The following ARFGEF3 variants were observed in gnomAD, a reference collection of about 807,000 sequenced individuals.
ARFGEF3 encodes brefeldin A-inhibited guanine nucleotide-exchange protein 3.
Under a neutral mutation model 221.7 loss-of-function variants are expected in ARFGEF3, and 96 were observed. The ratio of observed to expected loss-of-function variants is 0.43; its 90% CI spans 0.37 to 0.51. The LOEUF (loss-of-function observed/expected upper bound fraction) is 0.51. Among genes scored for constraint, ARFGEF3 ranks in the 20% least tolerant of loss-of-function variants. ARFGEF3 has a pLI of 0.00. For missense variants in ARFGEF3, 2,410 were observed against 2,789.9 expected, an observed-to-expected ratio of 0.86 and a Z score of 3.07; for synonymous variants, 1,145 against 1,126.8, an observed-to-expected ratio of 1.02 and a Z score of -0.32.
intron 4 of ARFGEF3, among the ~76,000 whole-genome samples, chr6:138,211,267 G>A (rs1777722342): frequency 6.6e-6 from 1 of 152,218 alleles, no homozygotes; most frequent in Admixed American, 6.5e-5. Flanking sequence ...AATCTCAGCG[G>A]ATGGGAGTAG....
chr6:138,186,979 G>A (rs553816908), intron 2 of ARFGEF3, among the ~76,000 whole-genome samples: 65 of 127,456 alleles, frequency 5.1e-4, no homozygotes, highest in African/African-American at 1.9e-3. Flanking sequence ...GCAATGGTGC[G>A]ATCTTGGCTC....
At chr6:138,325,503 C>G (rs1472606087) in intron 31 of ARFGEF3, among the ~76,000 whole-genome samples, 1 of 152,180 alleles carries the variant, frequency 6.6e-6, no homozygotes, top group East Asian at 1.9e-4. Context: ...CGTGGCCAGT[C>G]TGAAGAAGTT....
chr6:138,185,943 G>A (rs74578599), intron 2 of ARFGEF3, among the ~76,000 whole-genome samples: 2 of 152,270 alleles, frequency 1.3e-5, no homozygotes, highest in Non-Finnish European at 2.9e-5. Context: ...CAATAGGTAC[G>A]AACATAATCT....
intron 4 of ARFGEF3, among the ~76,000 whole-genome samples, chr6:138,229,118 A>C (rs1583022788): frequency 6.6e-6 from 1 of 152,384 alleles, no homozygotes; most frequent in South Asian, 2.1e-4. Context: ...AGTAAACACC[A>C]TGTAACATTC....
At chr6:138,325,101 G>A (rs1393972186) in intron 31 of ARFGEF3, among the ~76,000 whole-genome samples, 1 of 152,198 alleles carries the variant, frequency 6.6e-6, no homozygotes, top group Non-Finnish European at 1.5e-5. Context: ...CTATGTATGT[G>A]TATGCATGGT....
In ARFGEF3 at chr6:138,277,182, A is replaced by G. The variant is rs993821429; in HGVS notation, c.2129-1269A>G. 3.9e-5 allele frequency among the ~76,000 whole-genome samples: 6 copies of G among 152,122 alleles called. No individual in the cohort carries two copies. In the South Asian group the frequency reaches 8.3e-4, roughly 21 times the overall value. On this transcript the variant is annotated intron_variant, in intron 12 of 33. Transcript: ENST00000251691. ...CCTGGTAACCTCCAATCTATTTTCT[A>G]TTTCTTCTAATTTATTCTAGGTGCT...
At chr6:138,316,451 T>C (rs1220199199) in intron 26 of ARFGEF3, among the ~76,000 whole-genome samples, 1 of 152,182 alleles carries the variant, frequency 6.6e-6, no homozygotes, top group East Asian at 1.9e-4. Context: ...CAGATATACA[T>C]ATGTAGAATA....
At position 138,293,184 on chromosome 6, in the gene ARFGEF3, C is replaced by T. The variant is rs372140594; in HGVS notation, c.3369-809C>T. Among the ~76,000 whole-genome samples, 110 of 152,256 alleles carry T rather than the reference C, an allele frequency of 7.2e-4. 1 individual carries two copies. The South Asian group carries it at 0.022, about 31-fold the overall frequency. On this transcript the variant is annotated intron_variant, in intron 19 of 33. Transcript: ENST00000251691. ...CATGGTGCCCCCACAGCACTGTTTG[C>T]CCTGCGGTGTCACTAGGCTTGGAGG...
intron 25 of ARFGEF3, among the ~76,000 whole-genome samples, chr6:138,312,962 G>A (rs1283677841): frequency 1.3e-5 from 2 of 152,022 alleles, no homozygotes; most frequent in African/African-American, 2.4e-5. Flanking sequence ...CGCCAGCCTC[G>A]GCCTCCCAAA....
In ARFGEF3 at chr6:138,213,452, C is replaced by CA. The variant is rs990167074; in HGVS notation, c.351+3422dup. On this transcript the variant is annotated intron_variant, in intron 4 of 33. Coordinates refer to ENST00000251691, the MANE Select transcript of ARFGEF3 (RefSeq NM_020340.5). ...TAGCCAGCAGAGTAAGACCCTGTCT[C>CA]AAAAAAAAAAATATTGTCACTAAAT... Among the ~76,000 whole-genome samples the CA allele has an allele frequency of 7.0e-3, 1,015 of 144,164 alleles. 4 individuals are homozygous for CA. The highest frequency in any genetic ancestry group is 0.023 in the African/African-American group (910 of 39,518). The allele number at this position is 144,164 out of a possible 152,430, so 94.6% of individuals were successfully genotyped here. A position where few individuals can be genotyped will look rare whatever the true frequency, so the allele number is the denominator to read the frequency against.
chr6:138,208,246 C>G (rs748544173), intron 3 of ARFGEF3, among the ~76,000 whole-genome samples: 1 of 152,160 alleles, frequency 6.6e-6, no homozygotes. Flanking sequence ...TGAGTCTTCC[C>G]TTTACCATCC....
At chr6:138,295,097 C>T (rs1336845284) in intron 20 of ARFGEF3, among the ~76,000 whole-genome samples, 7 of 152,034 alleles carry the variant, frequency 4.6e-5, no homozygotes, top group Non-Finnish European at 7.4e-5. Context: ...CAAAGTCTTT[C>T]GCATTGGAGA....
At chr6:138,226,347 T>C (rs1486083566) in intron 4 of ARFGEF3, among the ~76,000 whole-genome samples, 1 of 152,246 alleles carries the variant, frequency 6.6e-6, no homozygotes, top group East Asian at 1.9e-4. Context: ...TAATTTTTTT[T>C]CCCTAAACCC....
chr6:138,202,860 T>C (rs1777561955), intron 2 of ARFGEF3, among the ~76,000 whole-genome samples: 1 of 151,924 alleles, frequency 6.6e-6, no homozygotes, highest in Non-Finnish European at 1.5e-5. Context: ...AAAATTATAG[T>C]AGCCTACACA....
intron 4 of ARFGEF3, among the ~76,000 whole-genome samples, chr6:138,222,463 C>T (rs887612819): frequency 2.0e-5 from 3 of 151,938 alleles, no homozygotes; most frequent in African/African-American, 7.3e-5. Flanking sequence ...CAATTTTGTC[C>T]TCAGGGGACG....
chr6:138,189,066 C>T (rs1378635886), intron 2 of ARFGEF3, among the ~76,000 whole-genome samples: 1 of 152,168 alleles, frequency 6.6e-6, no homozygotes, highest in African/African-American at 2.4e-5. Context: ...GGAGTTATTT[C>T]ATACATGGAT....
At chr6:138,198,708 A>G (rs1180207144) in intron 2 of ARFGEF3, among the ~76,000 whole-genome samples, 1 of 152,176 alleles carries the variant, frequency 6.6e-6, no homozygotes, top group Non-Finnish European at 1.5e-5. Flanking sequence ...TTTTCCACAT[A>G]TCCAAACTGC....
At chr6:138,301,100 G>C (rs1476286907) in intron 22 of ARFGEF3, among the ~76,000 whole-genome samples, 1 of 152,146 alleles carries the variant, frequency 6.6e-6, no homozygotes, top group East Asian at 1.9e-4. Context: ...TAAAATAACA[G>C]TGCTTAAATG....
intron 22 of ARFGEF3, among the ~76,000 whole-genome samples, chr6:138,301,974 C>T (rs1351637628): frequency 6.6e-6 from 1 of 152,100 alleles, no homozygotes. Context: ...TGTGGAATTC[C>T]AAGCACCTTA....
Sources: gnomAD v4.1 joint callset for allele counts (sites outside exome capture counted in the v4.1 genomes callset) on GRCh38, gnomAD v4.1.1 for gene constraint, MANE v1.5 for transcripts, NCBI Gene and HGNC (gene_info 2026-07-23, HGNC 2026-07-21) for gene names.